Variants in THRB observed in about 807,000 individuals in gnomAD.
THRB encodes the protein thyroid hormone receptor beta, also known as nuclear receptor subfamily 1 group A member 2.
Under a neutral mutation model 47.8 loss-of-function variants are expected in THRB, and 12 were observed. The ratio of observed to expected loss-of-function variants is 0.25; its 90% CI spans 0.16 to 0.41. The LOEUF (loss-of-function observed/expected upper bound fraction) is 0.41, where lower values mean the gene tolerates loss of function less well. THRB is among the 10% of genes least tolerant of loss of function. The pLI, the probability that THRB is intolerant of heterozygous loss-of-function variation, is 1.00. For synonymous variants in THRB, 218 were observed against 212.2 expected (o/e 1.03, Z -0.24); for missense variants, 348 against 589.2 (o/e 0.59, Z 4.24).
chr3:24,159,096 C>A (rs1219481371), intron 5 of THRB, among the ~76,000 whole-genome samples: 1 of 152,190 alleles, frequency 6.6e-6, no homozygotes, highest in African/African-American at 2.4e-5. Context: ...TATGTCATAT[C>A]CTGAATCCTT....
intron 3 of THRB, among the ~76,000 whole-genome samples, chr3:24,278,156 T>A (rs1050396868): frequency 3.9e-5 from 6 of 152,232 alleles, no homozygotes; most frequent in African/African-American, 1.4e-4. Flanking sequence ...ACAGAAAGAT[T>A]TGTAATGCCT....
At chr3:24,411,077 C>T (rs2068254306) in intron 1 of THRB, among the ~76,000 whole-genome samples, 1 of 151,770 alleles carries the variant, frequency 6.6e-6, no homozygotes, top group Middle Eastern at 3.2e-3. Flanking sequence ...GTTAGCAGTG[C>T]AGTCTGCTGC....
intron 5 of THRB, among the ~76,000 whole-genome samples, chr3:24,173,411 T>G (rs755099922): frequency 3.0e-4 from 46 of 152,174 alleles, no homozygotes; most frequent in Non-Finnish European, 5.1e-4. Flanking sequence ...ATGTGGCCAA[T>G]GCAGCTCAAT....
intron 3 of THRB, among the ~76,000 whole-genome samples, chr3:24,242,396 T>C (rs537635066): frequency 6.6e-6 from 1 of 152,302 alleles, no homozygotes; most frequent in East Asian, 1.9e-4. Context: ...TTTTTCCTGC[T>C]GTACTTGTAC....
chr3:24,140,795 G>A (rs1254969233), intron 8 of THRB, among the ~76,000 whole-genome samples: 5 of 152,194 alleles, frequency 3.3e-5, no homozygotes, highest in Admixed American at 6.5e-5. Flanking sequence ...AGAACGGGCT[G>A]TGTATACAGA....
Position 24,344,052 on chromosome 3 carries a change from T to G in THRB, c.-260-6681A>C, listed in dbSNP as rs1259203811. Reference sequence around the variant, plus strand: ...CCCAAGTTCATGAATCCATTTAATGTTAATTCAAAGCAATTGACACAGATT... The same window carrying G: ...CCCAAGTTCATGAATCCATTTAATGGTAATTCAAAGCAATTGACACAGATT... On this transcript the variant is annotated intron_variant, in intron 1 of 10. Coordinates refer to ENST00000646209, the MANE Select transcript of THRB (RefSeq NM_001354712.2). Among the ~76,000 whole-genome samples the G allele has an allele frequency of 2.0e-5, 3 of 151,118 alleles. No homozygotes were observed. In the East Asian group the frequency reaches 5.8e-4, roughly 29 times the overall value.
chr3:24,132,892 A>T (rs1405468238), intron 9 of THRB, among the ~76,000 whole-genome samples: 1 of 152,228 alleles, frequency 6.6e-6, no homozygotes, highest in African/African-American at 2.4e-5. Flanking sequence ...TCACATTTGG[A>T]TAACTTAATC....
intron 1 of THRB, among the ~76,000 whole-genome samples, chr3:24,482,789 C>T (rs1173048056): frequency 6.6e-6 from 1 of 152,168 alleles, no homozygotes; most frequent in African/African-American, 2.4e-5. Context: ...AGCATTATTT[C>T]TCACCTATTA....
intron 5 of THRB, among the ~76,000 whole-genome samples, chr3:24,177,631 C>G (rs901383585): frequency 6.6e-6 from 1 of 152,038 alleles, no homozygotes; most frequent in African/African-American, 2.4e-5. Flanking sequence ...GGCATGGGGG[C>G]GCACAGAGGA....
intron 1 of THRB, among the ~76,000 whole-genome samples, chr3:24,368,254 T>C (rs1403358644): frequency 6.6e-6 from 1 of 152,170 alleles, no homozygotes; most frequent in Non-Finnish European, 1.5e-5. Flanking sequence ...GCATACTCTA[T>C]TACTTCACAG....
At chr3:24,456,539 T>G (rs1170086448) in intron 1 of THRB, among the ~76,000 whole-genome samples, 1 of 151,622 alleles carries the variant, frequency 6.6e-6, no homozygotes, top group African/African-American at 2.4e-5. Flanking sequence ...AGTAACCAGT[T>G]TGTATACTAT....
At position 24,118,553 on chromosome 3, in the gene THRB, C is replaced by G. The variant is rs891785650; in HGVS notation, c.*4331G>C. The G allele has an allele frequency of 1.3e-5, 2 of 152,608 alleles. No individual in the cohort carries two copies. Among genetic ancestry groups the G allele is most frequent in the Admixed American group, 6.5e-5 (1 of 15,274 alleles). The allele number at this position is 152,608 out of a possible 1,614,324, so 9.5% of individuals were successfully genotyped here. ...AAAAAAGGATTTTCTACGAAGAAAG[C>G]ATGGAGAACTAATTTGGCTCTATGG... On this transcript the variant is annotated 3_prime_UTR_variant, in exon 11 of 11. Transcript: ENST00000646209.
At chr3:24,391,027 C>G (rs1160948173) in intron 1 of THRB, among the ~76,000 whole-genome samples, 3 of 152,054 alleles carry the variant, frequency 2.0e-5, no homozygotes, top group Admixed American at 2.0e-4. Flanking sequence ...CAGCCTGCAT[C>G]ACAGGCAGAG....
intron 4 of THRB, among the ~76,000 whole-genome samples, chr3:24,201,394 C>T (rs953600572): frequency 4.6e-5 from 7 of 152,062 alleles, no homozygotes; most frequent in Non-Finnish European, 7.4e-5. Context: ...AAAGTGCAGT[C>T]TAAGGACCTG....
At chr3:24,221,990 A>G (rs551280888) in intron 4 of THRB, among the ~76,000 whole-genome samples, 2 of 152,358 alleles carry the variant, frequency 1.3e-5, no homozygotes, top group East Asian at 3.9e-4. Flanking sequence ...CCTATAGGGC[A>G]TCTTTTACCC....
intron 1 of THRB, among the ~76,000 whole-genome samples, chr3:24,426,138 T>C (rs2150339270): frequency 6.6e-6 from 1 of 152,096 alleles, no homozygotes; most frequent in Non-Finnish European, 1.5e-5. Flanking sequence ...CCATGATACC[T>C]GTTCACCTGT....
rs1274024530 is a variant in THRB at position 24,211,155 on chromosome 3, G to A, written c.22+17783C>T. ...GCAGAGGGTGCAGTAAGCTAAGATC[G>A]CGCCACTGCACTCCAGCCTGGGCAA... On this transcript the variant is annotated intron_variant, in intron 4 of 10. Transcript: ENST00000646209. 7.6e-5 allele frequency among the ~76,000 whole-genome samples: 11 copies of A among 145,418 alleles called. No individual in the cohort carries two copies. In the East Asian group the frequency reaches 8.1e-4, roughly 11 times the overall value.
chr3:24,304,849 T>A (rs1353371451), intron 2 of THRB, among the ~76,000 whole-genome samples: 1 of 152,086 alleles, frequency 6.6e-6, no homozygotes, highest in Admixed American at 6.6e-5. Context: ...ATGAAAATGA[T>A]TATTAAGAAA....
intron 1 of THRB, among the ~76,000 whole-genome samples, chr3:24,441,054 T>G (rs915513503): frequency 4.6e-5 from 7 of 152,136 alleles, no homozygotes; most frequent in African/African-American, 1.7e-4. Context: ...TGGTTGTTGG[T>G]GGAGTTCAGT....
Sources: allele counts gnomAD v4.1 joint callset (sites outside exome capture counted in the v4.1 genomes callset), GRCh38; gene constraint gnomAD v4.1.1; transcripts MANE v1.5; gene names NCBI Gene and HGNC (gene_info 2026-07-23, HGNC 2026-07-21).